Variants in WDFY2 observed in about 807,000 individuals in gnomAD.
WDFY2 encodes the protein WD repeat and FYVE domain-containing protein 2.
A neutral mutation model predicts 56.4 loss-of-function variants in WDFY2; 36 were observed. The ratio of observed to expected loss-of-function variants is 0.64; its 90% CI spans 0.49 to 0.84. WDFY2 has a LOEUF of 0.84. Among genes scored for constraint, WDFY2 ranks in the 40% least tolerant of loss-of-function variants. WDFY2 has a pLI of 0.00. For synonymous variants in WDFY2, 176 were observed against 183.7 expected (o/e 0.96, Z 0.34); for missense variants, 444 against 512.2 (o/e 0.87, Z 1.29).
intron 11 of WDFY2, among the ~76,000 whole-genome samples, chr13:51,759,479 C>T (rs1953511752): frequency 6.6e-6 from 1 of 152,198 alleles, no homozygotes; most frequent in Non-Finnish European, 1.5e-5. Flanking sequence ...CTTGTCTTCC[C>T]AGTCCTCTCA....
intron 1 of WDFY2, among the ~76,000 whole-genome samples, chr13:51,622,544 A>G (rs1232059016): frequency 2.6e-5 from 4 of 152,230 alleles, no homozygotes; most frequent in Non-Finnish European, 4.4e-5. Flanking sequence ...GCAGTTTATA[A>G]GTTTCAAATT....
chr13:51,584,845 G>A (rs767232264), intron 1 of WDFY2, 21 bp downstream of exon 1: 5 of 1,611,728 alleles, frequency 3.1e-6, no homozygotes, highest in Non-Finnish European at 4.2e-6. Context: ...CTGCCATTCG[G>A]CCGCGAGGAG....
chr13:51,607,425 AGAG>A (rs1201394564), intron 1 of WDFY2, among the ~76,000 whole-genome samples: 4 of 152,190 alleles, frequency 2.6e-5, no homozygotes, highest in African/African-American at 9.6e-5. Flanking sequence ...CCTCTTGATA[AGAG>A]GAGGACTCCA....
At chr13:51,620,984 C>A (rs1351756754) in intron 1 of WDFY2, among the ~76,000 whole-genome samples, 4 of 152,158 alleles carry the variant, frequency 2.6e-5, no homozygotes, top group African/African-American at 9.7e-5. Flanking sequence ...CCCTTACACA[C>A]AATATATAAA....
intron 1 of WDFY2, among the ~76,000 whole-genome samples, chr13:51,596,795 C>T (rs1346850890): frequency 1.3e-5 from 2 of 152,180 alleles, no homozygotes; most frequent in Non-Finnish European, 2.9e-5. Context: ...ATCTCTGGTG[C>T]TGCTTGGCCT....
intron 6 of WDFY2, among the ~76,000 whole-genome samples, chr13:51,734,080 C>T (rs553559117): frequency 6.6e-6 from 1 of 152,292 alleles, no homozygotes; most frequent in East Asian, 1.9e-4. Context: ...TGTTGGCCTG[C>T]ACATATTACC....
intron 7 of WDFY2, among the ~76,000 whole-genome samples, chr13:51,744,338 T>C (rs924721297): frequency 3.9e-5 from 6 of 152,350 alleles, no homozygotes; most frequent in African/African-American, 1.4e-4. Flanking sequence ...GGGCAGATGT[T>C]AGCTTGTGTC....
intron 5 of WDFY2, among the ~76,000 whole-genome samples, chr13:51,726,935 T>C (rs1366883404): frequency 3.3e-5 from 5 of 152,206 alleles, no homozygotes; most frequent in Non-Finnish European, 7.3e-5. Context: ...TTGGCTTTGC[T>C]CATAATATTT....
intron 4 of WDFY2, among the ~76,000 whole-genome samples, chr13:51,704,876 T>C (rs184272133): frequency 1.9e-3 from 290 of 152,340 alleles, no homozygotes; most frequent in Middle Eastern, 3.4e-3. Context: ...TTTGAAAATA[T>C]GATACCCTGT....
At chr13:51,740,363 A>G (rs1438930864) in intron 7 of WDFY2, among the ~76,000 whole-genome samples, 1 of 152,220 alleles carries the variant, frequency 6.6e-6, no homozygotes, top group African/African-American at 2.4e-5. Context: ...CTTTATGACA[A>G]GGGAACACAC....
chr13:51,615,269 A>G (rs1954588916), intron 1 of WDFY2, among the ~76,000 whole-genome samples: 1 of 152,180 alleles, frequency 6.6e-6, no homozygotes, highest in Non-Finnish European at 1.5e-5. Context: ...AATAAAAAAT[A>G]TGGACAGGTA....
rs1034980547 is a variant in WDFY2 at position 51,727,917 on chromosome 13, G to A, written c.598+127G>A. On this transcript the variant is annotated intron_variant, in intron 6 of 11. Transcript: ENST00000298125. The stretch of plus-strand genomic sequence containing the variant: ...TCCATGCTTGTGCAAAGATACACAT[G>A]ATATGCTTAACTCATTTCAAAATGG... The A allele has an allele frequency of 5.0e-6, 4 of 792,920 alleles. No individual in the cohort carries two copies. The African/African-American group carries it at 6.9e-5, about 14-fold the overall frequency. The allele number at this position is 792,920 out of a possible 1,614,324, so 49.1% of individuals were successfully genotyped here. A position where few individuals can be genotyped will look rare whatever the true frequency, so the allele number is the denominator to read the frequency against.
rs144668746 is a variant in WDFY2, at chr13:51,762,534, G to T, written c.*2765G>T. 6.6e-6 allele frequency: 1 copy of T among 152,320 alleles called. No individual in the cohort carries two copies. Among genetic ancestry groups the T allele is most frequent in the African/African-American group, 2.4e-5 (1 of 41,568 alleles). 9.4% of individuals were successfully genotyped at this position (152,320 alleles called of 1,614,324 possible). On this transcript the variant is annotated 3_prime_UTR_variant, in exon 12 of 12. Coordinates refer to ENST00000298125, the MANE Select transcript of WDFY2 (RefSeq NM_052950.4). ...ACCAACTGTGTGTTTGTAATACTGT[G>T]AATTCTTGCGTTTTGCATTAAGTGT...
chr13:51,657,079 A>G (rs992025076), intron 1 of WDFY2, among the ~76,000 whole-genome samples: 1 of 151,910 alleles, frequency 6.6e-6, no homozygotes, highest in African/African-American at 2.4e-5. Flanking sequence ...GCCTTCTTCT[A>G]CGTTTGATTT....
chr13:51,620,337 T>A (rs1954702043), intron 1 of WDFY2, among the ~76,000 whole-genome samples: 1 of 152,090 alleles, frequency 6.6e-6, no homozygotes, highest in South Asian at 2.1e-4. Flanking sequence ...GGACTGGAGA[T>A]GGCTGAGGAC....
intron 5 of WDFY2, 79 bp from the exon 6 acceptor site, chr13:51,727,599 G>C (rs1460396990): frequency 4.4e-6 from 6 of 1,365,486 alleles, no homozygotes; most frequent in African/African-American, 1.4e-5. Flanking sequence ...CGTATTTCTT[G>C]TTACATTTAT....
chr13:51,633,102 C>G (rs1411864108), intron 1 of WDFY2, among the ~76,000 whole-genome samples: 1 of 152,238 alleles, frequency 6.6e-6, no homozygotes, highest in Non-Finnish European at 1.5e-5. Context: ...CCTTTTGTGT[C>G]TGCCTTGGCA....
chr13:51,687,615 TAAA>T (rs768546432), intron 3 of WDFY2, among the ~76,000 whole-genome samples: 2 of 140,652 alleles, frequency 1.4e-5, no homozygotes. Context: ...TGACTTGAGC[TAAA>T]AAAAAAAAAG....
chr13:51,598,931 A>G (rs889616319), intron 1 of WDFY2, among the ~76,000 whole-genome samples: 1 of 133,602 alleles, frequency 7.5e-6, no homozygotes, highest in Admixed American at 8.1e-5. Context: ...TTTTTTTGAG[A>G]CAGAGTCTCG....
Sources: allele counts gnomAD v4.1 joint callset (sites outside exome capture counted in the v4.1 genomes callset), GRCh38; gene constraint gnomAD v4.1.1; transcripts MANE v1.5; gene names NCBI Gene and HGNC (gene_info 2026-07-23, HGNC 2026-07-21).